Variants in BLTP2 observed in about 807,000 individuals in gnomAD.
BLTP2 encodes the protein bridge-like lipid transfer protein family member 2.
At chr17:28,621,420 C>T in the BLTP2 span, 14 of 1,613,986 alleles carry the variant, frequency 8.7e-6, no homozygotes, top group Admixed American at 3.3e-5. Context: ...GTAACCATGC[C>T]GCCCACTGCC....
the BLTP2 span, chr17:28,639,168 A>T: frequency 3.8e-6 from 3 of 780,080 alleles, no homozygotes; most frequent in East Asian, 7.3e-5. Flanking sequence ...CTAATGGGAA[A>T]GATATATAAA....
At chr17:28,633,203 C>T in the BLTP2 span, 27 of 1,597,200 alleles carry the variant, frequency 1.7e-5, no homozygotes, top group Non-Finnish European at 2.3e-5. Flanking sequence ...GCCCTGGTCA[C>T]TCACTTCCCC....
chr17:28,631,424 G>T, the BLTP2 span: 1 of 1,505,926 alleles, frequency 6.6e-7, no homozygotes, highest in Non-Finnish European at 9.2e-7. Context: ...GCCCAAGTAG[G>T]CTGAGATACC....
chr17:28,628,439 T>C, the BLTP2 span: 2 of 1,614,238 alleles, frequency 1.2e-6, no homozygotes, highest in Non-Finnish European at 1.7e-6. Flanking sequence ...GCTGCCTTTT[T>C]GTACCCATCA....
chr17:28,615,974 C>G, the BLTP2 span: 5 of 1,018,214 alleles, frequency 4.9e-6, no homozygotes, highest in African/African-American at 7.9e-5. Context: ...GCAGAGGGAA[C>G]AGCAGATTTA....
chr17:28,621,216 A>G, the BLTP2 span: 31 of 1,566,482 alleles, frequency 2.0e-5, no homozygotes, highest in Non-Finnish European at 2.6e-5. Context: ...TTCTCAATAA[A>G]GATAATGTGA....
chr17:28,623,777 G>C, the BLTP2 span: 20 of 1,613,944 alleles, frequency 1.2e-5, no homozygotes, highest in South Asian at 2.2e-5. Flanking sequence ...CAGAGCTGTC[G>C]GCCATCCTGC....
the BLTP2 span, chr17:28,618,723 T>G: frequency 7.7e-7 from 1 of 1,291,088 alleles, no homozygotes; most frequent in Non-Finnish European, 1.1e-6. Context: ...CTTTTATGAG[T>G]TAGACTCCTA....
At chr17:28,635,553 C>T in the BLTP2 span, 8 of 1,614,122 alleles carry the variant, frequency 5.0e-6, no homozygotes, top group Admixed American at 6.7e-5. Context: ...CATGCTGGTA[C>T]AGGTACATGT....
At chr17:28,633,957 G>A in the BLTP2 span, 22 of 1,613,910 alleles carry the variant, frequency 1.4e-5, 1 homozygote, top group South Asian at 4.4e-5. Context: ...GTTACCCCAC[G>A]GAAGCCCCAA....
chr17:28,638,106 G>A, the BLTP2 span: 4 of 1,612,620 alleles, frequency 2.5e-6, no homozygotes, highest in South Asian at 3.3e-5. Flanking sequence ...TAGAGAAGAA[G>A]CAGACGGATC....
At chr17:28,636,997 T>C in the BLTP2 span, 13 of 1,613,940 alleles carry the variant, frequency 8.1e-6, no homozygotes, top group Admixed American at 5.0e-5. Context: ...TGATAGGTGA[T>C]GGAGAGCATG....
chr17:28,615,223 C>T, the BLTP2 span: 2 of 1,611,608 alleles, frequency 1.2e-6, no homozygotes. Context: ...TTGCAGACTT[C>T]AGCCTTAGCT....
the BLTP2 span, among the ~76,000 whole-genome samples, chr17:28,617,936 T>C: frequency 2.4e-3 from 361 of 148,198 alleles, 1 homozygote; most frequent in African/African-American, 8.1e-3. Flanking sequence ...ATTTTCTTTT[T>C]TTTTTTTTTT....
At chr17:28,622,099 G>A in the BLTP2 span, among the ~76,000 whole-genome samples, 3 of 152,072 alleles carry the variant, frequency 2.0e-5, no homozygotes, top group East Asian at 3.9e-4. Flanking sequence ...TGAGGGGGGC[G>A]GGGGGAAAGA....
At chr17:28,624,924 T>C in the BLTP2 span, among the ~76,000 whole-genome samples, 2 of 152,204 alleles carry the variant, frequency 1.3e-5, no homozygotes, top group Admixed American at 6.5e-5. Flanking sequence ...AGTGTATGGT[T>C]AAGAGCACAG....
the BLTP2 span, chr17:28,639,773 T>C: frequency 5.6e-6 from 8 of 1,427,570 alleles, no homozygotes; most frequent in Admixed American, 1.7e-5. Flanking sequence ...CTATTTTCTC[T>C]CAGTATGTTC....
At chr17:28,616,883 A>G in the BLTP2 span, 1 of 1,611,784 alleles carries the variant, frequency 6.2e-7, no homozygotes, top group Admixed American at 1.7e-5. The surrounding 1 kb of genome is among the most constrained non-coding windows in gnomAD (Gnocchi z 4.8). Flanking sequence ...GGGACTGCTT[A>G]CTAACCTCAA....
the BLTP2 span, chr17:28,616,575 T>A: frequency 2.5e-6 from 4 of 1,613,926 alleles, no homozygotes; most frequent in Non-Finnish European, 3.4e-6. The surrounding 1 kb of genome is among the most constrained non-coding windows in gnomAD (Gnocchi z 4.8). Flanking sequence ...GTCTTTGGGG[T>A]TGCTACCCTA....
Sources: allele counts gnomAD v4.1 joint callset (sites outside exome capture counted in the v4.1 genomes callset), GRCh38; gene constraint gnomAD v4.1.1; non-coding constraint Gnocchi (gnomAD v3.1); transcripts MANE v1.5; gene names NCBI Gene and HGNC (gene_info 2026-07-23, HGNC 2026-07-21).